CCDC171: variants seen among roughly 807,000 people sequenced by gnomAD.
CCDC171 encodes coiled-coil domain containing 171, also known as coiled-coil domain-containing protein 171.
A neutral mutation model predicts 168.2 loss-of-function variants in CCDC171; 177 were observed. The ratio of observed to expected loss-of-function variants is 1.05; its 90% CI spans 0.93 to 1.19. CCDC171 has a LOEUF of 1.19. CCDC171 is among the 50% of genes most tolerant of loss of function. The pLI, the probability that CCDC171 is intolerant of heterozygous loss-of-function variation, is 0.00. For missense variants in CCDC171, 1,991 were observed against 1,539.0 expected, an observed-to-expected ratio of 1.29 and a Z score of -4.91; for synonymous variants, 687 against 540.8, an observed-to-expected ratio of 1.27 and a Z score of -3.75.
chr9:15,951,275 T>C (rs1031103219), intron 25 of CCDC171, among the ~76,000 whole-genome samples: 24 of 150,058 alleles, frequency 1.6e-4, no homozygotes, highest in Admixed American at 1.1e-3. Flanking sequence ...CAAGTGGACC[T>C]AATAGACATC....
chr9:15,987,231 C>T (rs1216606380), intron 3 of CCDC171, among the ~76,000 whole-genome samples: 1 of 152,050 alleles, frequency 6.6e-6, no homozygotes, highest in Non-Finnish European at 1.5e-5. Context: ...TTGTAACACA[C>T]ATATAAGAAA....
chr9:15,823,830 A>G (rs548477776), intron 21 of CCDC171, among the ~76,000 whole-genome samples: 2 of 152,154 alleles, frequency 1.3e-5, no homozygotes, highest in Admixed American at 1.3e-4. Flanking sequence ...TGATAATGTG[A>G]TGTTTTCTTT....
At chr9:15,717,837 C>A (rs765348104) in intron 11 of CCDC171, among the ~76,000 whole-genome samples, 1 of 152,172 alleles carries the variant, frequency 6.6e-6, no homozygotes, top group African/African-American at 2.4e-5. Context: ...CAGCAATACC[C>A]GTGTAGTACA....
chr9:15,813,287 G>T (rs2135991540), intron 21 of CCDC171, among the ~76,000 whole-genome samples: 1 of 152,318 alleles, frequency 6.6e-6, no homozygotes, highest in South Asian at 2.1e-4. Context: ...AGACAAGTAA[G>T]GTGACTTTGG....
At chr9:15,814,312 G>T (rs144686914) in intron 21 of CCDC171, among the ~76,000 whole-genome samples, 1 of 152,156 alleles carries the variant, frequency 6.6e-6, no homozygotes, top group South Asian at 2.1e-4. Context: ...TTGACTTGGT[G>T]TATATTTCAT....
chr9:15,729,653 T>A lies in CCDC171; in HGVS notation c.1904T>A (p.Met635Lys). The A allele has an allele frequency of 6.2e-7, 1 of 1,613,070 alleles. No homozygotes were observed. Among genetic ancestry groups the A allele is most frequent in the Non-Finnish European group, 8.5e-7 (1 of 1,179,362 alleles). The change falls in exon 16 of 26, where the codon ATG (methionine) becomes AAG (lysine). Residue 635 changes from methionine to lysine, a missense_variant. Transcript: ENST00000380701. ...EYICKNKSDT[M>K]RELQQTQEDT... is the part of the protein sequence containing the mutation. The stretch of plus-strand genomic sequence containing the variant: ...ATCTGTAAAAACAAGTCTGACACGA[T>A]GAGAGAGCTTCAGCAGACTCAGGAA...
intron 7 of CCDC171, among the ~76,000 whole-genome samples, chr9:15,654,509 C>T (rs984648280): frequency 6.6e-6 from 1 of 152,214 alleles, no homozygotes; most frequent in Non-Finnish European, 1.5e-5. Context: ...CTAAGTTATT[C>T]ACAGACTGCT....
chr9:15,691,546 T>TATATATA (rs1554762228), intron 10 of CCDC171, among the ~76,000 whole-genome samples: 2,168 of 106,278 alleles, frequency 0.02, 68 homozygotes, highest in African/African-American at 0.025. Context: ...TATATGTTTT[T>TATATATA]TATATATATA....
chr9:15,897,285 T>C (rs1821032371), intron 24 of CCDC171, among the ~76,000 whole-genome samples: 2 of 51,236 alleles, frequency 3.9e-5, no homozygotes, highest in South Asian at 1.1e-3. Flanking sequence ...GTTGTTTTCC[T>C]TTTTTCCAAG....
At chr9:15,864,211 C>A (rs911382315) in intron 23 of CCDC171, among the ~76,000 whole-genome samples, 1 of 151,882 alleles carries the variant, frequency 6.6e-6, no homozygotes, top group Non-Finnish European at 1.5e-5. Flanking sequence ...GTTCCTTAGT[C>A]CATCATTTTT....
At chr9:15,574,730 T>C (rs1001358961) in intron 3 of CCDC171, among the ~76,000 whole-genome samples, 5 of 152,244 alleles carry the variant, frequency 3.3e-5, no homozygotes, top group Non-Finnish European at 7.3e-5. Flanking sequence ...TTATCAGGTA[T>C]TCCTAATGCG....
In CCDC171 at chr9:15,821,660, A is replaced by G. The variant is rs1450823691; in HGVS notation, c.3268-25042A>G. On this transcript the variant is annotated intron_variant, in intron 21 of 25. Coordinates refer to ENST00000380701, the MANE Select transcript of CCDC171 (RefSeq NM_173550.4). ...AGGACCTCTTCAAGGAGAACTACAA[A>G]CCACTGCTCAAGGAAATAAAAGAGG... Among the ~76,000 whole-genome samples, 6 of 116,696 alleles carry G rather than the reference A, an allele frequency of 5.1e-5. 2 individuals carry two copies. Among genetic ancestry groups the G allele is most frequent in the South Asian group, 5.7e-4 (2 of 3,534 alleles). The allele number at this position is 116,696 out of a possible 152,430, so 76.6% of individuals were successfully genotyped here.
the CCDC171 span, among the ~76,000 whole-genome samples, chr9:16,091,780 G>A: frequency 0.011 from 1,648 of 152,318 alleles, 27 homozygotes; most frequent in Admixed American, 0.044. Context: ...TCTCTTTTAG[G>A]TGTCAGAGGA....
chr9:15,630,568 A>T (rs901990136), intron 7 of CCDC171, among the ~76,000 whole-genome samples: 2 of 152,162 alleles, frequency 1.3e-5, no homozygotes, highest in African/African-American at 4.8e-5. Flanking sequence ...CTCCCACACA[A>T]TAATAATGGG....
At chr9:15,931,456 C>CTTTTTTTTTTTTT (rs57124025) in intron 25 of CCDC171, among the ~76,000 whole-genome samples, 77 of 44,992 alleles carry the variant, frequency 1.7e-3, no homozygotes, top group Middle Eastern at 0.023. Context: ...TTCTTTCTTT[C>CTTTTTTTTTTTTT]TTTTTTTTTT....
chr9:15,835,389 A>G (rs2060398778), intron 21 of CCDC171, among the ~76,000 whole-genome samples: 1 of 152,158 alleles, frequency 6.6e-6, no homozygotes, highest in South Asian at 2.1e-4. Context: ...TAAATTTAAG[A>G]TTTTGTGATG....
At chr9:15,859,938 A>T (rs1355057144) in intron 23 of CCDC171, among the ~76,000 whole-genome samples, 1 of 151,556 alleles carries the variant, frequency 6.6e-6, no homozygotes, top group African/African-American at 2.4e-5. Flanking sequence ...AAGTGCTGGG[A>T]TTATAGGTAT....
In CCDC171 at chr9:15,564,576, C is replaced by A. The variant is rs146320260; in HGVS notation, c.41+447C>A. Among the ~76,000 whole-genome samples, 76 of 152,332 alleles carry A rather than the reference C, an allele frequency of 5.0e-4. 1 individual carries two copies. In the South Asian group the frequency reaches 5.6e-3, roughly 11 times the overall value. ...GCTGTTTCGCTTCCTTACTTGGTAT[C>A]TCTCAGTTTACCCTTCAAGACGTAA... is the stretch of plus-strand genomic sequence containing the variant. On this transcript the variant is annotated intron_variant, in intron 2 of 25. Transcript: ENST00000380701.
chr9:15,569,612 G>A (rs1317720936), intron 2 of CCDC171, among the ~76,000 whole-genome samples: 4 of 151,670 alleles, frequency 2.6e-5, no homozygotes, highest in Admixed American at 2.0e-4. Context: ...TCAGGAGATC[G>A]AGACCATCCT....
Sources: gnomAD v4.1 joint callset for allele counts (sites outside exome capture counted in the v4.1 genomes callset) on GRCh38, gnomAD v4.1.1 for gene constraint, MANE v1.5 for transcripts, NCBI Gene and HGNC (gene_info 2026-07-23, HGNC 2026-07-21) for gene names.